Variants in GPBP1 observed in about 807,000 individuals in gnomAD.
The protein encoded by GPBP1 is GC-rich promoter binding protein 1, also known as vasculin.
A neutral mutation model predicts 56.5 loss-of-function variants in GPBP1; 13 were observed. The ratio of observed to expected loss-of-function variants is 0.23; its 90% CI spans 0.15 to 0.37. The LOEUF (loss-of-function observed/expected upper bound fraction) is 0.37. GPBP1 is among the 10% of genes least tolerant of loss of function. The pLI is 1.00. For synonymous variants in GPBP1, 204 were observed against 188.9 expected (o/e 1.08, Z -0.66); for missense variants, 477 against 572.3 (o/e 0.83, Z 1.70).
chr5:57,246,553 G>A, intron 7 of GPBP1, 69 bp downstream of exon 7: 1 of 1,328,890 alleles, frequency 7.5e-7, no homozygotes, highest in Non-Finnish European at 1.0e-6. Flanking sequence ...GGGGGGAAAT[G>A]TTAAAGAATT....
rs1470361807 is a variant in GPBP1 at position 57,260,323 on chromosome 5, C to T, written c.1161-857C>T. Reference sequence around the variant, plus strand: ...CATCTTCAGAATCACCTCATCTTTTCTTAAAATGAGTTATCTATTTGAAAT... The same window carrying T: ...CATCTTCAGAATCACCTCATCTTTTTTTAAAATGAGTTATCTATTTGAAAT... On this transcript the variant is annotated intron_variant, in intron 10 of 11. Coordinates refer to ENST00000506184, the MANE Select transcript of GPBP1 (RefSeq NM_022913.4). 5.9e-5 allele frequency among the ~76,000 whole-genome samples: 9 copies of T among 152,134 alleles called. No homozygotes were observed. The East Asian group carries it at 1.5e-3, about 26-fold the overall frequency.
chr5:57,175,502 C>G lies in GPBP1; in HGVS notation c.-956C>G. The G allele has an allele frequency of 2.5e-6, 1 of 398,466 alleles. No individual in the cohort carries two copies. The highest frequency in any genetic ancestry group is 1.3e-4 in the South Asian group (1 of 7,852). 24.7% of individuals were successfully genotyped at this position (398,466 alleles called of 1,614,324 possible). A position where few individuals can be genotyped will look rare whatever the true frequency, so the allele number is the denominator to read the frequency against. ...TCATCTAGGTTTTGTGTAAAAGGCC[C>G]TGGATATTTTAAGTGGCCATTTTGG... On this transcript the variant is annotated 5_prime_UTR_variant, in exon 2 of 12. Transcript: ENST00000506184.
intron 3 of GPBP1, among the ~76,000 whole-genome samples, chr5:57,227,352 C>T (rs1052709111): frequency 2.0e-5 from 3 of 152,098 alleles, no homozygotes; most frequent in African/African-American, 7.2e-5. Flanking sequence ...CAGGCATGAG[C>T]CACCACACCT....
chr5:57,212,268 G>A (rs576110671), intron 2 of GPBP1, among the ~76,000 whole-genome samples: 4 of 152,244 alleles, frequency 2.6e-5, no homozygotes, highest in African/African-American at 9.6e-5. Flanking sequence ...TGTTGGAAAA[G>A]TGTGTAAATA....
At chr5:57,178,637 T>G (rs1383377718) in intron 2 of GPBP1, among the ~76,000 whole-genome samples, 1 of 152,236 alleles carries the variant, frequency 6.6e-6, no homozygotes, top group Non-Finnish European at 1.5e-5. Flanking sequence ...TTTTTAGCAA[T>G]TAACTTTAAT....
At chr5:57,200,186 T>C (rs541764665) in intron 2 of GPBP1, among the ~76,000 whole-genome samples, 1 of 149,464 alleles carries the variant, frequency 6.7e-6, no homozygotes, top group South Asian at 2.2e-4. Context: ...TTCCTTTTCT[T>C]TCTTTCGTTT....
intron 2 of GPBP1, among the ~76,000 whole-genome samples, chr5:57,195,801 A>G (rs1449726691): frequency 6.6e-6 from 1 of 151,742 alleles, no homozygotes; most frequent in East Asian, 1.9e-4. Flanking sequence ...TCAGGAGTTC[A>G]TGACCCTCCT....
At chr5:57,208,140 C>T (rs770998800) in intron 2 of GPBP1, among the ~76,000 whole-genome samples, 3 of 152,118 alleles carry the variant, frequency 2.0e-5, no homozygotes, top group Non-Finnish European at 4.4e-5. Flanking sequence ...CCCTTCCCAG[C>T]GCTTGCCTGC....
At chr5:57,206,021 C>T (rs537140764) in intron 2 of GPBP1, among the ~76,000 whole-genome samples, 7 of 152,286 alleles carry the variant, frequency 4.6e-5, no homozygotes, top group South Asian at 2.1e-4. Flanking sequence ...CTGCCTTGGC[C>T]TCCTAGAGTG....
intron 3 of GPBP1, 60 bp from the exon 4 acceptor site, chr5:57,230,786 C>A: frequency 7.1e-7 from 1 of 1,404,662 alleles, no homozygotes; most frequent in Non-Finnish European, 9.9e-7. Flanking sequence ...TGGAGTATTA[C>A]TAGTTTTTAA....
intron 3 of GPBP1, among the ~76,000 whole-genome samples, chr5:57,225,663 A>G (rs530737505): frequency 1.5e-4 from 23 of 152,250 alleles, no homozygotes; most frequent in Admixed American, 1.3e-3. Flanking sequence ...TGAGAAACAC[A>G]TTACCCCAGG....
intron 2 of GPBP1, among the ~76,000 whole-genome samples, chr5:57,210,478 GATT>G (rs1485538584): frequency 6.6e-6 from 1 of 152,144 alleles, no homozygotes; most frequent in Non-Finnish European, 1.5e-5. Flanking sequence ...GCCAGTAGAA[GATT>G]TCTAATAAGC....
intron 2 of GPBP1, among the ~76,000 whole-genome samples, chr5:57,182,532 TTAGC>T (rs1754099589): frequency 6.7e-6 from 1 of 149,992 alleles, no homozygotes; most frequent in Non-Finnish European, 1.5e-5. Flanking sequence ...GGCACCATAC[TTAGC>T]TAATTTTTGT....
chr5:57,255,471 TC>T (rs1741615861), intron 10 of GPBP1, among the ~76,000 whole-genome samples: 1 of 152,188 alleles, frequency 6.6e-6, no homozygotes, highest in African/African-American at 2.4e-5. Context: ...ATATTTCTAG[TC>T]ACACAATTGG....
intron 10 of GPBP1, among the ~76,000 whole-genome samples, chr5:57,260,806 G>C (rs1343659520): frequency 1.3e-5 from 2 of 152,160 alleles, no homozygotes; most frequent in African/African-American, 4.8e-5. Flanking sequence ...GACTGCCCAA[G>C]TAGAAAACCT....
intron 8 of GPBP1, 43 bp downstream of exon 8, chr5:57,247,258 T>A: frequency 6.7e-7 from 1 of 1,487,128 alleles, no homozygotes; most frequent in Middle Eastern, 1.9e-4. Context: ...AACATTTTAA[T>A]TATGATAGTT....
At chr5:57,244,519 ATT>A (rs1321530972) in intron 6 of GPBP1, among the ~76,000 whole-genome samples, 2 of 152,146 alleles carry the variant, frequency 1.3e-5, no homozygotes, top group African/African-American at 4.8e-5. Context: ...TACCTTTCAC[ATT>A]TTGTAGCACT....
chr5:57,232,589 T>A (rs1756505394), intron 5 of GPBP1, among the ~76,000 whole-genome samples: 1 of 152,230 alleles, frequency 6.6e-6, no homozygotes. Context: ...TTGCCTCTTT[T>A]AAAAAGTTTA....
chr5:57,211,351 C>T (rs758748026), intron 2 of GPBP1, among the ~76,000 whole-genome samples: 10 of 151,528 alleles, frequency 6.6e-5, no homozygotes, highest in Non-Finnish European at 7.4e-5. Flanking sequence ...CACACTCAGC[C>T]GGTTTTTAAA....
Sources: gnomAD v4.1 joint callset for allele counts (sites outside exome capture counted in the v4.1 genomes callset) on GRCh38, gnomAD v4.1.1 for gene constraint, MANE v1.5 for transcripts, NCBI Gene and HGNC (gene_info 2026-07-23, HGNC 2026-07-21) for gene names.